TBC1D32: variants seen among roughly 807,000 people sequenced by gnomAD.
TBC1D32 encodes the protein TBC1 domain family member 32.
In TBC1D32, 151 loss-of-function variants were observed where a neutral mutation model predicts 170.3. The observed-to-expected ratio is 0.89, with a 90% CI of 0.78 to 1.01. The LOEUF (loss-of-function observed/expected upper bound fraction) is 1.01. TBC1D32 is among the 50% of genes least tolerant of loss of function. The pLI, the probability that TBC1D32 is intolerant of heterozygous loss-of-function variation, is 0.00. For missense variants in TBC1D32, 1,464 were observed against 1,457.1 expected, an observed-to-expected ratio of 1.00 and a Z score of -0.08; for synonymous variants, 498 against 488.0, an observed-to-expected ratio of 1.02 and a Z score of -0.27.
chr6:121,159,424 C>T (rs1171162125), intron 24 of TBC1D32, among the ~76,000 whole-genome samples: 1 of 152,088 alleles, frequency 6.6e-6, no homozygotes, highest in African/African-American at 2.4e-5. Flanking sequence ...TTTAATCAAA[C>T]AGCTGTTGCT....
At chr6:121,244,346 C>G (rs1430113570) in intron 17 of TBC1D32, among the ~76,000 whole-genome samples, 1 of 151,940 alleles carries the variant, frequency 6.6e-6, no homozygotes, top group African/African-American at 2.4e-5. Flanking sequence ...CCAAAGAAAA[C>G]AGAAGCAAAA....
At position 121,304,515 on chromosome 6, in the gene TBC1D32, T is replaced by G. The variant is rs1459594353; in HGVS notation, c.873+7A>C. ...AAAAATGAAAGCATATTGTAGTAAA[T>G]GGATACCTTTTTAAGTAAGCGAGTC... On this transcript the variant is annotated splice_region_variant and intron_variant, in intron 7 of 31. Coordinates refer to ENST00000398212, the MANE Select transcript of TBC1D32 (RefSeq NM_152730.6). 2 of 1,605,570 alleles carry G rather than the reference T, an allele frequency of 1.2e-6. No homozygotes were observed. The highest frequency in any genetic ancestry group is 1.3e-5 in the African/African-American group (1 of 74,532).
At position 121,118,026 on chromosome 6, in the gene TBC1D32, C is replaced by T. The variant is rs140770770; in HGVS notation, c.2984-2785G>A. 2.9e-4 allele frequency among the ~76,000 whole-genome samples: 44 copies of T among 151,940 alleles called. No individual in the cohort carries two copies. The East Asian group carries it at 3.3e-3, about 11-fold the overall frequency. On this transcript the variant is annotated intron_variant, in intron 26 of 31. Coordinates refer to ENST00000398212, the MANE Select transcript of TBC1D32 (RefSeq NM_152730.6). ...TTTGATCCATATGCATGGCTGGTAA[C>T]GAGTAATTAATTGATCTAGGAAAAA...
At chr6:121,235,187 G>T (rs985687462) in intron 20 of TBC1D32, among the ~76,000 whole-genome samples, 3 of 152,146 alleles carry the variant, frequency 2.0e-5, no homozygotes, top group Admixed American at 6.5e-5. Flanking sequence ...TTGGCCTCCA[G>T]CCAGGAGGTG....
chr6:121,260,343 C>CA (rs955170714), intron 15 of TBC1D32, among the ~76,000 whole-genome samples: 56 of 150,546 alleles, frequency 3.7e-4, no homozygotes, highest in Non-Finnish European at 5.9e-4. Context: ...AACTTACACT[C>CA]AAAAAAAAAT....
At chr6:121,154,902 T>A (rs187275684) in intron 24 of TBC1D32, among the ~76,000 whole-genome samples, 9 of 152,320 alleles carry the variant, frequency 5.9e-5, no homozygotes, top group Admixed American at 4.6e-4. Flanking sequence ...TTGGTTACTT[T>A]CACCTTATAG....
At chr6:121,100,839 G>A (rs1318639048) in intron 30 of TBC1D32, among the ~76,000 whole-genome samples, 1 of 151,898 alleles carries the variant, frequency 6.6e-6, no homozygotes, top group East Asian at 1.9e-4. Flanking sequence ...TAGACTGCTA[G>A]CCAGACTAAT....
At chr6:121,322,539 AAC>A (rs1186766588) in intron 1 of TBC1D32, among the ~76,000 whole-genome samples, 2 of 152,172 alleles carry the variant, frequency 1.3e-5, no homozygotes, top group African/African-American at 4.8e-5. Context: ...CTTGTTTCTC[AAC>A]GACTGATATC....
rs1010555917 is a variant in TBC1D32, at chr6:121,292,071, T to C, written c.1354A>G (p.Lys452Glu). The C allele has an allele frequency of 1.9e-6, 3 of 1,590,042 alleles. No individual in the cohort carries two copies. Among genetic ancestry groups the C allele is most frequent in the Non-Finnish European group, 2.6e-6 (3 of 1,168,842 alleles). Residue 452 changes from lysine (K) to glutamate (E), a missense_variant, in exon 12 of 32, where the codon AAG (lysine) becomes GAG (glutamate). This residue lies in a region of TBC1D32 where 1,363 missense variants were observed against 1,338.1 expected (regional missense o/e 1.02). Coordinates refer to ENST00000398212, the MANE Select transcript of TBC1D32 (RefSeq NM_152730.6). ...YKQGRKLFPI[K>E]LKNKKGLVSL... Reference sequence around the variant, plus strand: ...TACTTACCTTTTTTATTCTTCAGCTTAATAGGAAATAGTTTTCTGCCTTGT... The same window carrying C: ...TACTTACCTTTTTTATTCTTCAGCTCAATAGGAAATAGTTTTCTGCCTTGT...
At chr6:121,141,372 C>T (rs1782764841) in intron 24 of TBC1D32, among the ~76,000 whole-genome samples, 1 of 152,146 alleles carries the variant, frequency 6.6e-6, no homozygotes, top group South Asian at 2.1e-4. Context: ...AGCCTAATGT[C>T]TTTTAAGGAG....
intron 22 of TBC1D32, 64 bp downstream of exon 22, chr6:121,205,011 G>T: frequency 2.1e-6 from 2 of 966,536 alleles, no homozygotes; most frequent in South Asian, 1.6e-5. Flanking sequence ...AAAGTATACA[G>T]GACAAATGCT....
chr6:121,185,810 C>G (rs1231501844), intron 22 of TBC1D32, among the ~76,000 whole-genome samples: 1 of 152,054 alleles, frequency 6.6e-6, no homozygotes, highest in East Asian at 1.9e-4. Context: ...AAAAGTAAGG[C>G]ACTGAGCAAA....
chr6:121,152,723 T>G (rs1784369506), intron 24 of TBC1D32, among the ~76,000 whole-genome samples: 1 of 152,268 alleles, frequency 6.6e-6, no homozygotes, highest in East Asian at 1.9e-4. Flanking sequence ...TTCTCTAATC[T>G]TGTCTTCATG....
At chr6:121,296,780 A>G (rs1032554194) in intron 10 of TBC1D32, among the ~76,000 whole-genome samples, 7 of 152,300 alleles carry the variant, frequency 4.6e-5, no homozygotes, top group Admixed American at 3.3e-4. Context: ...ATAACAACTG[A>G]CACTTTAGGA....
Position 121,105,666 on chromosome 6 carries a change from T to G in TBC1D32, c.3465+357A>C, listed in dbSNP as rs148716023. 2.1e-3 allele frequency among the ~76,000 whole-genome samples: 313 copies of G among 152,096 alleles called. 1 individual carries two copies. Among genetic ancestry groups the G allele is most frequent in the African/African-American group, 7.3e-3 (302 of 41,534 alleles). ...ATACAGGTTAATCCGCGGGGATTTTTTGTTAGATAAGACACAGTATATCAT... is the reference window on the plus strand; with the variant it reads ...ATACAGGTTAATCCGCGGGGATTTTGTGTTAGATAAGACACAGTATATCAT... On this transcript the variant is annotated intron_variant, in intron 30 of 31. Transcript: ENST00000398212.
At position 121,115,033 on chromosome 6, in the gene TBC1D32, A is replaced by G. The variant is rs190847877; in HGVS notation, c.3053+139T>C. ...TCATGTGCCAATATCCTCAAAAACAAAGTCATTTTCCGAATGATAAACTCT... is the reference window on the plus strand; with the variant it reads ...TCATGTGCCAATATCCTCAAAAACAGAGTCATTTTCCGAATGATAAACTCT... On this transcript the variant is annotated intron_variant, in intron 27 of 31. Transcript: ENST00000398212. 2.1e-3 allele frequency: 1,147 copies of G among 539,564 alleles called. 14 individuals are homozygous for G. The South Asian group carries it at 0.034, about 16-fold the overall frequency. 33.4% of individuals were successfully genotyped at this position (539,564 alleles called of 1,614,324 possible). A position where few individuals can be genotyped will look rare whatever the true frequency, so the allele number is the denominator to read the frequency against.
intron 30 of TBC1D32, among the ~76,000 whole-genome samples, chr6:121,092,400 C>G (rs1776921169): frequency 7.6e-6 from 1 of 131,760 alleles, no homozygotes; most frequent in South Asian, 2.6e-4. Context: ...TACAGATATA[C>G]AAAATTTCCT....
At chr6:121,314,554 C>G (rs918729500) in intron 3 of TBC1D32, among the ~76,000 whole-genome samples, 5 of 151,030 alleles carry the variant, frequency 3.3e-5, no homozygotes, top group African/African-American at 1.2e-4. Flanking sequence ...TGACTATTAT[C>G]CTAAACTCAC....
chr6:121,148,317 A>T (rs1783742998), intron 24 of TBC1D32, among the ~76,000 whole-genome samples: 2 of 151,456 alleles, frequency 1.3e-5, no homozygotes, highest in South Asian at 2.1e-4. Flanking sequence ...ACATGAACTA[A>T]TTTTTTTTTA....
Sources: allele counts gnomAD v4.1 joint callset (sites outside exome capture counted in the v4.1 genomes callset), GRCh38; gene constraint gnomAD v4.1.1; regional missense constraint gnomAD v4.1.1; transcripts MANE v1.5; gene names NCBI Gene and HGNC (gene_info 2026-07-23, HGNC 2026-07-21).